NINJ2: variants seen among roughly 807,000 people sequenced by gnomAD.
The protein encoded by NINJ2 is ninjurin 2.
Under a neutral mutation model 11.7 loss-of-function variants are expected in NINJ2, and 12 were observed. That is an observed-to-expected ratio of 1.02 (90% confidence interval 0.66 to 1.66). NINJ2 has a LOEUF of 1.66. NINJ2 is among the 40% of genes most tolerant of loss of function. The pLI, the probability that NINJ2 is intolerant of heterozygous loss-of-function variation, is 0.00. For synonymous variants in NINJ2, 93 were observed against 76.8 expected, an observed-to-expected ratio of 1.21 and a Z score of -1.10; for missense variants, 187 against 181.8, an observed-to-expected ratio of 1.03 and a Z score of -0.16.
intron 1 of NINJ2, among the ~76,000 whole-genome samples, chr12:653,520 C>T (rs1937827369): frequency 6.6e-6 from 1 of 151,960 alleles, no homozygotes; most frequent in South Asian, 2.1e-4. Flanking sequence ...AAGGTACTCA[C>T]ACGATCCATG....
At chr12:652,017 GA>G (rs1442217213) in intron 1 of NINJ2, among the ~76,000 whole-genome samples, 1 of 151,918 alleles carries the variant, frequency 6.6e-6, no homozygotes, top group Admixed American at 6.6e-5. Context: ...GAAAGGAACA[GA>G]AAAAATATTT....
intron 1 of NINJ2, among the ~76,000 whole-genome samples, chr12:638,502 G>A (rs1040401802): frequency 1.4e-4 from 21 of 152,142 alleles, no homozygotes; most frequent in Non-Finnish European, 2.6e-4. Flanking sequence ...TACAAGCTCC[G>A]CCTCCCAGGT....
At chr12:575,722 G>T (rs1211827661) in intron 1 of NINJ2, among the ~76,000 whole-genome samples, 1 of 152,196 alleles carries the variant, frequency 6.6e-6, no homozygotes, top group African/African-American at 2.4e-5. Flanking sequence ...TGATCGCATT[G>T]AATTTTTATG....
At chr12:610,578 C>T (rs1948014914) in intron 1 of NINJ2, 2 of 985,382 alleles carry the variant, frequency 2.0e-6, no homozygotes, top group South Asian at 9.4e-5. Flanking sequence ...GTTAGCTGCT[C>T]TGAGCGACTC....
chr12:588,522 T>C (rs1947674745), intron 1 of NINJ2, among the ~76,000 whole-genome samples: 1 of 152,188 alleles, frequency 6.6e-6, no homozygotes, highest in South Asian at 2.1e-4. Flanking sequence ...ATCCCTGGGA[T>C]AAGTACTGTC....
intron 1 of NINJ2, among the ~76,000 whole-genome samples, chr12:605,099 G>A (rs1947924177): frequency 6.6e-6 from 1 of 152,220 alleles, no homozygotes; most frequent in Non-Finnish European, 1.5e-5. Flanking sequence ...CCCAGAGTGA[G>A]GCATGTGCCG....
chr12:634,098 C>T (rs777541112), intron 1 of NINJ2, among the ~76,000 whole-genome samples: 9 of 151,976 alleles, frequency 5.9e-5, no homozygotes, highest in Non-Finnish European at 1.3e-4. Flanking sequence ...ATTTGGCCAA[C>T]TACTTCAGTT....
chr12:622,005 C>A (rs1477087408), intron 1 of NINJ2, among the ~76,000 whole-genome samples: 2 of 151,782 alleles, frequency 1.3e-5, no homozygotes, highest in Non-Finnish European at 2.9e-5. Flanking sequence ...TGCCTGTAAT[C>A]CCAGCTGCTC....
chr12:602,772 C>T (rs922464350), intron 1 of NINJ2, among the ~76,000 whole-genome samples: 11 of 152,170 alleles, frequency 7.2e-5, no homozygotes, highest in African/African-American at 2.7e-4. Flanking sequence ...CTTGCTATTA[C>T]CTGCTTTTTT....
chr12:579,555 G>A (rs1307593714), intron 1 of NINJ2, among the ~76,000 whole-genome samples: 6 of 151,948 alleles, frequency 3.9e-5, no homozygotes, highest in African/African-American at 7.3e-5. Flanking sequence ...GTTCCCAAAC[G>A]GCAGTCATTT....
intron 1 of NINJ2, chr12:645,185 A>G (rs1225582785): frequency 1.3e-5 from 2 of 152,198 alleles, no homozygotes; most frequent in Non-Finnish European, 2.9e-5. Context: ...CTTGAAGGCA[A>G]ATGATGTTAC....
chr12:648,996 GTCTA>G (rs4017978), intron 1 of NINJ2, among the ~76,000 whole-genome samples: 3,589 of 148,952 alleles, frequency 0.024, 141 homozygotes, highest in African/African-American at 0.083. Context: ...CTATCTATCT[GTCTA>G]TCTATCTATC....
chr12:635,813 G>A lies in NINJ2; in HGVS notation c.33+27515C>T, dbSNP rs190444447. Among the ~76,000 whole-genome samples the A allele has an allele frequency of 5.1e-3, 778 of 152,370 alleles. 6 individuals are homozygous for A. Among genetic ancestry groups the A allele is most frequent in the Non-Finnish European group, 8.1e-3 (549 of 68,034 alleles). ...AAAGGGGCCGGGCGCGGCGGTTCAC[G>A]CCTGTAATCCCAGCACTTCGGGAGG... On this transcript the variant is annotated intron_variant, in intron 1 of 3. Coordinates refer to ENST00000305108, the MANE Select transcript of NINJ2 (RefSeq NM_016533.6).
At chr12:607,360 TGA>T in intron 1 of NINJ2, among the ~76,000 whole-genome samples, 1 of 151,952 alleles carries the variant, frequency 6.6e-6, no homozygotes, top group East Asian at 1.9e-4. Context: ...GGGATGATGA[TGA>T]TGATGATGAT....
rs373043731 is a variant in NINJ2 at position 652,740 on chromosome 12, A to C, written c.33+10588T>G. Among the ~76,000 whole-genome samples the C allele has an allele frequency of 3.3e-3, 506 of 152,032 alleles. 36 individuals are homozygous for C. The South Asian group carries it at 0.1, about 30-fold the overall frequency. On this transcript the variant is annotated intron_variant, in intron 1 of 3. Coordinates refer to ENST00000305108, the MANE Select transcript of NINJ2 (RefSeq NM_016533.6). ...AGGTGGGCAGATCACTTGAGGTCAC[A>C]AGTTCAAGACCAGCCTGGCCAATAT...
At chr12:658,764 G>A (rs940681868) in intron 1 of NINJ2, among the ~76,000 whole-genome samples, 6 of 151,754 alleles carry the variant, frequency 4.0e-5, no homozygotes, top group African/African-American at 9.7e-5. Context: ...ATGCTATAGC[G>A]GTGGAAACAT....
intron 1 of NINJ2, among the ~76,000 whole-genome samples, chr12:599,599 ACAACT>A (rs1168296765): frequency 6.6e-6 from 1 of 152,152 alleles, no homozygotes; most frequent in Non-Finnish European, 1.5e-5. Context: ...TGGTGAGAAA[ACAACT>A]CAGAGAGGTT....
intron 1 of NINJ2, among the ~76,000 whole-genome samples, chr12:625,591 G>A (rs551453009): frequency 5.9e-4 from 90 of 151,766 alleles, no homozygotes; most frequent in African/African-American, 2.2e-3. Flanking sequence ...AGCTACTTCT[G>A]GTCAACTAAG....
intron 1 of NINJ2, among the ~76,000 whole-genome samples, chr12:599,951 G>A (rs546138937): frequency 1.3e-5 from 2 of 152,328 alleles, no homozygotes; most frequent in East Asian, 3.9e-4. Context: ...GGCCCAGCCC[G>A]CCTCCTTCTG....
Sources: gnomAD v4.1 joint callset for allele counts (sites outside exome capture counted in the v4.1 genomes callset) on GRCh38, gnomAD v4.1.1 for gene constraint, MANE v1.5 for transcripts, NCBI Gene and HGNC (gene_info 2026-07-23, HGNC 2026-07-21) for gene names.